The following EXOC4 variants were observed in gnomAD, a reference collection of about 807,000 sequenced individuals.
EXOC4 encodes exocyst complex component 4.
Under a neutral mutation model 107.2 loss-of-function variants are expected in EXOC4, and 71 were observed. The observed-to-expected ratio is 0.66, with a 90% confidence interval of 0.55 to 0.81. The LOEUF (loss-of-function observed/expected upper bound fraction) is 0.81, where lower values mean the gene tolerates loss of function less well. Ranked by LOEUF, EXOC4 falls within the 30% of genes least tolerant of loss-of-function variation. The pLI, the probability that EXOC4 is intolerant of heterozygous loss-of-function variation, is 0.00. For missense variants in EXOC4, 1,108 were observed against 1,189.6 expected, an observed-to-expected ratio of 0.93 and a Z score of 1.01; for synonymous variants, 456 against 441.2, an observed-to-expected ratio of 1.03 and a Z score of -0.42.
At chr7:133,807,959 T>G (rs954515423) in intron 10 of EXOC4, among the ~76,000 whole-genome samples, 1 of 152,230 alleles carries the variant, frequency 6.6e-6, no homozygotes, top group Non-Finnish European at 1.5e-5. Flanking sequence ...TTTATAAGCC[T>G]GCAGCGTCCA....
At chr7:133,930,802 G>A (rs1490469969) in intron 13 of EXOC4, 1 of 151,930 alleles carries the variant, frequency 6.6e-6, no homozygotes, top group Non-Finnish European at 1.5e-5. Flanking sequence ...GTTTTAACTA[G>A]CCTGTTAGGT....
At chr7:133,820,256 AGTTT>A (rs1430872158) in intron 11 of EXOC4, among the ~76,000 whole-genome samples, 1 of 150,360 alleles carries the variant, frequency 6.7e-6, no homozygotes, top group Non-Finnish European at 1.5e-5. Context: ...CATATCACTA[AGTTT>A]GTTTAATATT....
At chr7:134,093,950 A>G in the EXOC4 span, among the ~76,000 whole-genome samples, 2 of 152,194 alleles carry the variant, frequency 1.3e-5, no homozygotes, top group Admixed American at 1.3e-4. Flanking sequence ...TATAACACTA[A>G]ATGTCTACCT....
chr7:133,554,495 G>C (rs1224891516), intron 9 of EXOC4, among the ~76,000 whole-genome samples: 3 of 152,108 alleles, frequency 2.0e-5, no homozygotes, highest in East Asian at 3.9e-4. Flanking sequence ...CTATCTGCCT[G>C]ATCTGTGTTT....
chr7:133,898,618 C>T (rs557737598), intron 12 of EXOC4, among the ~76,000 whole-genome samples: 14 of 151,796 alleles, frequency 9.2e-5, no homozygotes, highest in South Asian at 2.1e-4. Context: ...GTGGTGGCAG[C>T]GCCTGTAGTC....
At chr7:133,404,846 G>A (rs1013459347) in intron 7 of EXOC4, among the ~76,000 whole-genome samples, 1 of 149,076 alleles carries the variant, frequency 6.7e-6, no homozygotes. Context: ...GGGCAACATA[G>A]TGAGACTGCG....
chr7:133,856,976 A>T (rs557015275), intron 11 of EXOC4, among the ~76,000 whole-genome samples: 1 of 150,014 alleles, frequency 6.7e-6, no homozygotes, highest in South Asian at 2.1e-4. Flanking sequence ...ACATGCCTGT[A>T]GTCCCAGCTA....
intron 7 of EXOC4, among the ~76,000 whole-genome samples, chr7:133,388,813 C>A (rs1023390548): frequency 6.6e-6 from 1 of 152,090 alleles, no homozygotes; most frequent in Non-Finnish European, 1.5e-5. Context: ...CATTAAGATT[C>A]TTTTAATCTA....
At chr7:134,067,632 T>TACACACACAC (rs1177750777), downstream of EXOC4, among the ~76,000 whole-genome samples, 2,562 of 98,264 alleles carry the variant, frequency 0.026, 39 homozygotes, top group African/African-American at 0.041. Flanking sequence ...CTCTTATATA[T>TACACACACAC]ATATATACAC....
intron 14 of EXOC4, among the ~76,000 whole-genome samples, chr7:133,995,497 T>C (rs1695071547): frequency 6.6e-6 from 1 of 152,222 alleles, no homozygotes; most frequent in South Asian, 2.1e-4. Flanking sequence ...TCTAGCCTGT[T>C]CCATGAAAAT....
chr7:133,486,506 A>G (rs939800104), intron 9 of EXOC4, among the ~76,000 whole-genome samples: 2 of 152,202 alleles, frequency 1.3e-5, no homozygotes, highest in African/African-American at 4.8e-5. Context: ...AGCCTTAAAT[A>G]TAAGAAGCAC....
rs79022230 is a variant in EXOC4 at position 133,400,781 on chromosome 7, G to A, written c.1182+25779G>A. Among the ~76,000 whole-genome samples the A allele has an allele frequency of 6.5e-3, 989 of 152,226 alleles. 14 individuals are homozygous for A. The highest frequency in any genetic ancestry group is 0.045 in the East Asian group (235 of 5,178). On this transcript the variant is annotated intron_variant, in intron 7 of 17. Transcript: ENST00000253861. ...GCTCTTGTGCCCTGTTTTGTGTTAC[G>A]TGGTAGGTTAATAAACGAGGTAATG...
intron 11 of EXOC4, among the ~76,000 whole-genome samples, chr7:133,871,513 C>T (rs887625192): frequency 6.6e-6 from 1 of 152,078 alleles, no homozygotes; most frequent in South Asian, 2.1e-4. Context: ...TACACGTTTT[C>T]CCCCCACAGC....
intron 5 of EXOC4, among the ~76,000 whole-genome samples, chr7:133,344,281 G>A (rs1273991050): frequency 6.6e-6 from 1 of 152,136 alleles, no homozygotes; most frequent in Non-Finnish European, 1.5e-5. Flanking sequence ...CTGGAATGTT[G>A]CCTTCTAGTT....
At chr7:133,548,250 A>T (rs1011848858) in intron 9 of EXOC4, among the ~76,000 whole-genome samples, 5 of 151,942 alleles carry the variant, frequency 3.3e-5, no homozygotes, top group African/African-American at 7.3e-5. Context: ...TTGTCATGAG[A>T]TTGCAGCAAT....
chr7:134,072,762 T>G, the EXOC4 span, among the ~76,000 whole-genome samples: 1 of 152,156 alleles, frequency 6.6e-6, no homozygotes, highest in African/African-American at 2.4e-5. Flanking sequence ...AACAGAGGCA[T>G]TCAGTGCCTG....
At chr7:134,039,219 A>AGG (rs1795459302) in intron 17 of EXOC4, among the ~76,000 whole-genome samples, 1 of 152,234 alleles carries the variant, frequency 6.6e-6, no homozygotes, top group Non-Finnish European at 1.5e-5. Context: ...CACCTACGTA[A>AGG]GGAGTATAGG....
intron 10 of EXOC4, among the ~76,000 whole-genome samples, chr7:133,764,478 G>A (rs1318395259): frequency 6.6e-6 from 1 of 151,978 alleles, no homozygotes. Flanking sequence ...GCATGCTGTG[G>A]GCTGCCAGGA....
intron 9 of EXOC4, among the ~76,000 whole-genome samples, chr7:133,526,130 A>T (rs577532780): frequency 6.6e-6 from 1 of 152,260 alleles, no homozygotes; most frequent in East Asian, 1.9e-4. Context: ...TGGTTGGTAC[A>T]TTATTTTCTT....
Sources: gnomAD v4.1 joint callset for allele counts (sites outside exome capture counted in the v4.1 genomes callset) on GRCh38, gnomAD v4.1.1 for gene constraint, MANE v1.5 for transcripts, NCBI Gene and HGNC (gene_info 2026-07-23, HGNC 2026-07-21) for gene names.